The following NMRAL1 variants were observed in gnomAD, a reference collection of about 807,000 sequenced individuals.
NMRAL1 encodes the protein NmrA like redox sensor 1.
NMRAL1 carries 32 observed loss-of-function variants against 27.5 expected under a neutral mutation model. The observed-to-expected ratio is 1.16, with a 90% CI of 0.88 to 1.56. The LOEUF (loss-of-function observed/expected upper bound fraction) is 1.56, where lower values mean the gene tolerates loss of function less well. NMRAL1 is among the 40% of genes most tolerant of loss of function. The pLI is 0.00. For synonymous variants in NMRAL1, 166 were observed against 166.8 expected (o/e 1.00, Z 0.04); for missense variants, 420 against 392.0 (o/e 1.07, Z -0.60).
chr16:4,471,038 C>T (rs1409068572), intron 2 of NMRAL1, among the ~76,000 whole-genome samples: 1 of 150,814 alleles, frequency 6.6e-6, no homozygotes, highest in East Asian at 2.0e-4. Context: ...ACCAGGGTGG[C>T]AGAGGTTGCA....
At chr16:4,465,533 T>C (rs1418107876) in intron 4 of NMRAL1, among the ~76,000 whole-genome samples, 1 of 152,226 alleles carries the variant, frequency 6.6e-6, no homozygotes, top group Non-Finnish European at 1.5e-5. Context: ...TTCCAAATCC[T>C]CTCCTCGTCT....
Position 4,461,809 on chromosome 16 carries a change from G to C in NMRAL1, c.871C>G (p.Gln291Glu). 1 of 1,614,080 alleles carries C rather than the reference G, an allele frequency of 6.2e-7. No homozygotes were observed. Among genetic ancestry groups the C allele is most frequent in the Non-Finnish European group, 8.5e-7 (1 of 1,179,948 alleles). Residue 291 changes from glutamine to glutamate, a missense_variant, in exon 6 of 6, where the codon CAG becomes GAG. Physicochemically the swap from Gln to Glu is conservative, Grantham distance 29. Coordinates refer to ENST00000283429, the MANE Select transcript of NMRAL1 (RefSeq NM_020677.6). ...KALTLDQWLE[Q>E]HKGDFNLL The stretch of plus-strand genomic sequence containing the variant: ...AGCAGGTTGAAGTCCCCTTTGTGCT[G>C]TTCCAGCCACTGGTCCAGCGTCAGG...
intron 3 of NMRAL1, among the ~76,000 whole-genome samples, chr16:4,467,406 G>A (rs1161275794): frequency 2.6e-5 from 4 of 151,742 alleles, no homozygotes; most frequent in Non-Finnish European, 4.4e-5. Flanking sequence ...GCTAATTTTT[G>A]TATTTTTTGT....
intron 4 of NMRAL1, chr16:4,464,108 C>A (rs757724746): frequency 2.1e-5 from 11 of 524,934 alleles, no homozygotes; most frequent in Non-Finnish European, 3.3e-5. Flanking sequence ...TTGCTGCATT[C>A]CTAGAATGGG....
intron 4 of NMRAL1, among the ~76,000 whole-genome samples, chr16:4,464,514 C>T (rs1030092332): frequency 1.3e-4 from 19 of 149,806 alleles, no homozygotes; most frequent in African/African-American, 4.5e-4. Context: ...TCCTCCTTAC[C>T]TAGAGACAGG....
At chr16:4,463,340 C>T (rs2057183077) in intron 5 of NMRAL1, 1 of 433,378 alleles carries the variant, frequency 2.3e-6, no homozygotes, top group African/African-American at 2.1e-5. Context: ...GGGGTCGGGT[C>T]TATCTTTCCA....
chr16:4,462,664 A>G (rs1031811314), intron 5 of NMRAL1, among the ~76,000 whole-genome samples: 1 of 152,020 alleles, frequency 6.6e-6, no homozygotes, highest in Non-Finnish European at 1.5e-5. Context: ...GCTTGAGCCC[A>G]GGAGTTAGGC....
intron 5 of NMRAL1, 184 bp downstream of exon 5, chr16:4,463,476 T>C: frequency 1.7e-6 from 1 of 584,820 alleles, no homozygotes. Context: ...GGTCAAAACA[T>C]CTAAGCCAGA....
In NMRAL1 at chr16:4,469,246, T is replaced by C; in HGVS notation, c.260A>G (p.Gln87Arg). The C allele has an allele frequency of 6.2e-7, 1 of 1,613,854 alleles. No homozygotes were observed. Residue 87 changes from glutamine (Q) to arginine (R), a missense_variant, in exon 3 of 6, where the codon CAG becomes CGG. Coordinates refer to ENST00000283429, the MANE Select transcript of NMRAL1 (RefSeq NM_020677.6). ...IVTNYWESCS[Q>R]EQEVKQGKLL... The stretch of plus-strand genomic sequence containing the variant: ...CCTCACCTGCTTGACCTCCTGCTCC[T>C]GGCTGCAGCTCTCCCAGTAATTGGT...
At chr16:4,466,925 C>G (rs775464425) in intron 3 of NMRAL1, 1 of 157,372 alleles carries the variant, frequency 6.4e-6, no homozygotes, top group Admixed American at 6.1e-5. Flanking sequence ...CGCAGAGATT[C>G]GGACGGTGGC....
At chr16:4,462,924 G>A (rs563731143) in intron 5 of NMRAL1, among the ~76,000 whole-genome samples, 4 of 151,494 alleles carry the variant, frequency 2.6e-5, no homozygotes, top group Admixed American at 6.6e-5. Flanking sequence ...GTGGCATCTC[G>A]GCTCGCTGCA....
chr16:4,463,909 A>T, intron 4 of NMRAL1, 59 bp from the exon 5 acceptor site: 5 of 1,453,680 alleles, frequency 3.4e-6, no homozygotes, highest in Non-Finnish European at 4.8e-6. Context: ...GCAGGGACAG[A>T]GCCCCTCTCC....
intron 2 of NMRAL1, among the ~76,000 whole-genome samples, chr16:4,472,122 C>A (rs1405015932): frequency 1.3e-5 from 2 of 151,212 alleles, no homozygotes; most frequent in African/African-American, 2.4e-5. Context: ...TTCATAATAG[C>A]CAAAAAGTGG....
At chr16:4,463,497 T>A (rs183462202) in intron 5 of NMRAL1, 163 bp downstream of exon 5, 109 of 613,978 alleles carry the variant, frequency 1.8e-4, no homozygotes, top group Middle Eastern at 8.5e-4. Flanking sequence ...AATTTCACTC[T>A]GTGGCCAGTT....
chr16:4,462,150 C>T (rs1596378711), intron 5 of NMRAL1, among the ~76,000 whole-genome samples, 191 bp from the exon 6 acceptor site: 1 of 152,228 alleles, frequency 6.6e-6, no homozygotes, highest in Non-Finnish European at 1.5e-5. Flanking sequence ...GAAACTGCTG[C>T]TCTCCTGAGC....
At position 4,461,776 on chromosome 16, in the gene NMRAL1, C is replaced by G; in HGVS notation, c.*4G>C. 6.2e-7 allele frequency: 1 copy of G among 1,604,160 alleles called. No homozygotes were observed. ...TCCCCACAAGGGGCCGCGAGGCGGG[C>G]AGGTCACAGCAGGTTGAAGTCCCCT... On this transcript the variant is annotated 3_prime_UTR_variant, in exon 6 of 6. Transcript: ENST00000283429.
chr16:4,462,251 G>C (rs2057139117), intron 5 of NMRAL1, among the ~76,000 whole-genome samples: 1 of 152,216 alleles, frequency 6.6e-6, no homozygotes, highest in Non-Finnish European at 1.5e-5. Context: ...GGCTGAGGCA[G>C]GCAAATCTCT....
upstream of NMRAL1, chr16:4,475,915 G>C (rs2057812402): frequency 1.3e-5 from 2 of 152,198 alleles, no homozygotes; most frequent in Admixed American, 1.3e-4. Context: ...CTCCAGCCTG[G>C]GCGACGAGCA....
chr16:4,468,098 G>C (rs1189263515), intron 3 of NMRAL1, among the ~76,000 whole-genome samples: 1 of 149,280 alleles, frequency 6.7e-6, no homozygotes, highest in Non-Finnish European at 1.5e-5. Context: ...CCGGGAGTTA[G>C]AGACCAGCTT....
Sources: allele counts gnomAD v4.1 joint callset (sites outside exome capture counted in the v4.1 genomes callset), GRCh38; gene constraint gnomAD v4.1.1; transcripts MANE v1.5; gene names NCBI Gene and HGNC (gene_info 2026-07-23, HGNC 2026-07-21).